UGT1A9: variants seen among roughly 807,000 people sequenced by gnomAD.
UGT1A9 encodes the protein UDP glucuronosyltransferase family 1 member A9, also known as UDP-glucuronosyltransferase 1A9.
In UGT1A9, 35 loss-of-function variants were observed where a neutral mutation model predicts 45.0. That is an observed-to-expected ratio of 0.78 (90% CI 0.59 to 1.03). The LOEUF (loss-of-function observed/expected upper bound fraction) is 1.03, where lower values mean the gene tolerates loss of function less well. Ranked by LOEUF, UGT1A9 falls within the 50% of genes least tolerant of loss-of-function variation. The pLI is 0.00. For missense variants in UGT1A9, 687 were observed against 666.6 expected (o/e 1.03, Z -0.34); for synonymous variants, 278 against 250.6 (o/e 1.11, Z -1.03).
intron 1 of UGT1A9, chr2:233,692,952 G>A (rs1328782904): frequency 6.2e-7 from 1 of 1,605,070 alleles, no homozygotes; most frequent in African/African-American, 1.3e-5. Context: ...GGAGCCCTGT[G>A]ATTTGGAGAG....
intron 1 of UGT1A9, among the ~76,000 whole-genome samples, chr2:233,749,248 A>AT (rs1216234192): frequency 2.0e-5 from 3 of 151,926 alleles, no homozygotes; most frequent in East Asian, 1.9e-4. Flanking sequence ...AAACCACATG[A>AT]TTTTTTTATT....
chr2:233,674,992 A>T lies in UGT1A9; in HGVS notation c.855+2203A>T, dbSNP rs545379398. ...TCAGAGTCTGTGTCTTATCTGTCTG[A>T]TGAGAAGGAAGCATTACTTGATGAT... On this transcript the variant is annotated intron_variant, in intron 1 of 4. Coordinates refer to ENST00000354728, the MANE Select transcript of UGT1A9 (RefSeq NM_021027.3). Among the ~76,000 whole-genome samples, 7 of 152,306 alleles carry T rather than the reference A, an allele frequency of 4.6e-5. No homozygotes were observed. The East Asian group carries it at 1.2e-3, about 25-fold the overall frequency.
chr2:233,744,926 T>C (rs1381342735), intron 1 of UGT1A9, among the ~76,000 whole-genome samples: 2 of 151,890 alleles, frequency 1.3e-5, no homozygotes, highest in East Asian at 1.9e-4. Context: ...GCTCCTTTTA[T>C]AAAATGACAC....
At chr2:233,692,017 T>C (rs1291303297) in intron 1 of UGT1A9, 2 of 152,224 alleles carry the variant, frequency 1.3e-5, no homozygotes, top group Non-Finnish European at 2.9e-5. Flanking sequence ...TCTCTAAGGA[T>C]GAGGGCTAGT....
At chr2:233,756,610 A>C (rs946399513) in intron 1 of UGT1A9, among the ~76,000 whole-genome samples, 3 of 152,216 alleles carry the variant, frequency 2.0e-5, no homozygotes, top group African/African-American at 7.2e-5. Context: ...GAAACCATTA[A>C]GACTTGCAGG....
At position 233,713,118 on chromosome 2, in the gene UGT1A9, A is replaced by G. The variant is rs45441297; in HGVS notation, c.855+40329A>G. 3.1e-4 allele frequency: 500 copies of G among 1,614,224 alleles called. 3 individuals are homozygous for G. In the East Asian group the frequency reaches 4.3e-3, roughly 14 times the overall value. ...GCCCACTGATGGCAGCCACTGGCTC[A>G]GCATGCGGGAGGCCTTGCGGGACCT... On this transcript the variant is annotated intron_variant, in intron 1 of 4. Coordinates refer to ENST00000354728, the MANE Select transcript of UGT1A9 (RefSeq NM_021027.3).
At chr2:233,738,611 A>C (rs1411128815) in intron 1 of UGT1A9, among the ~76,000 whole-genome samples, 2 of 152,250 alleles carry the variant, frequency 1.3e-5, no homozygotes, top group Admixed American at 6.5e-5. Flanking sequence ...TTAGCAAAGA[A>C]ACTCGTGGCA....
intron 1 of UGT1A9, among the ~76,000 whole-genome samples, chr2:233,716,003 G>A (rs1213854851): frequency 6.6e-6 from 1 of 152,118 alleles, no homozygotes; most frequent in African/African-American, 2.4e-5. Context: ...AACCCAAAAT[G>A]ACTTTAATCT....
chr2:233,724,560 G>GCA (rs2077282425), intron 1 of UGT1A9, among the ~76,000 whole-genome samples: 1 of 129,456 alleles, frequency 7.7e-6, no homozygotes, highest in Non-Finnish European at 1.6e-5. Context: ...CATCCCAGAT[G>GCA]GGGCGGCGGG....
chr2:233,701,567 A>T (rs2075636367), intron 1 of UGT1A9, among the ~76,000 whole-genome samples: 1 of 152,072 alleles, frequency 6.6e-6, no homozygotes. Flanking sequence ...CACCACACCT[A>T]CTCCAAAATT....
intron 1 of UGT1A9, chr2:233,682,901 T>G: frequency 1.3e-6 from 2 of 1,504,332 alleles, no homozygotes; most frequent in Non-Finnish European, 8.8e-7. Context: ...TGGAATTTCT[T>G]TCTGGTTTAA....
At chr2:233,739,887 A>G (rs1419215414) in intron 1 of UGT1A9, among the ~76,000 whole-genome samples, 1 of 151,912 alleles carries the variant, frequency 6.6e-6, no homozygotes, top group African/African-American at 2.4e-5. Context: ...GTGTGTTTCC[A>G]CCCAAATCTC....
intron 1 of UGT1A9, among the ~76,000 whole-genome samples, chr2:233,759,538 A>C (rs1009544779): frequency 1.3e-5 from 2 of 152,036 alleles, no homozygotes; most frequent in Non-Finnish European, 2.9e-5. Context: ...TTCTGTTCAC[A>C]TGCGCTCCAG....
intron 1 of UGT1A9, among the ~76,000 whole-genome samples, chr2:233,684,020 A>G (rs1341585097): frequency 6.6e-6 from 1 of 152,206 alleles, no homozygotes; most frequent in Non-Finnish European, 1.5e-5. Context: ...TTCTTGGCAA[A>G]TGCATAGTTG....
chr2:233,691,367 A>T (rs1469452115), intron 1 of UGT1A9: 1 of 985,382 alleles, frequency 1.0e-6, no homozygotes, highest in Non-Finnish European at 1.2e-6. Context: ...ATGAATTTGC[A>T]TCCTGGTTAT....
intron 1 of UGT1A9, among the ~76,000 whole-genome samples, chr2:233,724,330 C>T (rs1214568164): frequency 2.8e-4 from 34 of 121,600 alleles, no homozygotes; most frequent in South Asian, 1.2e-3. Context: ...GCTGGCCAGG[C>T]GGGGGGCTGA....
In UGT1A9 at chr2:233,724,567, C is replaced by T. The variant is rs1005770116; in HGVS notation, c.856-42467C>T. Among the ~76,000 whole-genome samples, 5 of 126,436 alleles carry T rather than the reference C, an allele frequency of 4.0e-5. No individual in the cohort carries two copies. In the East Asian group the frequency reaches 1.3e-3, roughly 33 times the overall value. 82.9% of individuals were successfully genotyped at this position (126,436 alleles called of 152,430 possible). A position where few individuals can be genotyped will look rare whatever the true frequency, so the allele number is the denominator to read the frequency against. On this transcript the variant is annotated intron_variant, in intron 1 of 4. Coordinates refer to ENST00000354728, the MANE Select transcript of UGT1A9 (RefSeq NM_021027.3). ...GCTCCTCACATCCCAGATGGGGCGG[C>T]GGGGCAGAGGCGCTCCCCACATCTC...
intron 1 of UGT1A9, among the ~76,000 whole-genome samples, chr2:233,698,062 A>G (rs907495284): frequency 1.3e-5 from 2 of 152,196 alleles, no homozygotes; most frequent in Non-Finnish European, 2.9e-5. Flanking sequence ...AGTTATATTG[A>G]GAAACTGGGC....
At chr2:233,768,587 T>TC in intron 4 of UGT1A9, 148 bp downstream of exon 4, 1 of 888,352 alleles carries the variant, frequency 1.1e-6, no homozygotes, top group Non-Finnish European at 1.4e-6. Context: ...TTCTTCTTTT[T>TC]TTTTTTTTTT....
Sources: allele counts gnomAD v4.1 joint callset (sites outside exome capture counted in the v4.1 genomes callset), GRCh38; gene constraint gnomAD v4.1.1; transcripts MANE v1.5; gene names NCBI Gene and HGNC (gene_info 2026-07-23, HGNC 2026-07-21).